DNAH5: variants seen among roughly 807,000 people sequenced by gnomAD.
The protein encoded by DNAH5 is axonemal beta dynein heavy chain 5.
DNAH5 carries 372 observed loss-of-function variants against 518.2 expected under a neutral mutation model. The ratio of observed to expected loss-of-function variants is 0.72; its 90% CI spans 0.66 to 0.78. The LOEUF (loss-of-function observed/expected upper bound fraction) is 0.78, where lower values mean the gene tolerates loss of function less well. Among genes scored for constraint, DNAH5 ranks in the 30% least tolerant of loss-of-function variants. The pLI is 0.00. For synonymous variants in DNAH5, 2,039 were observed against 2,025.9 expected (o/e 1.01, Z -0.17); for missense variants, 5,523 against 5,687.0 (o/e 0.97, Z 0.93).
intron 17 of DNAH5, among the ~76,000 whole-genome samples, chr5:13,888,128 C>T (rs1291301455): frequency 6.6e-6 from 1 of 152,206 alleles, no homozygotes; most frequent in East Asian, 1.9e-4. Flanking sequence ...CGGCCTCCAT[C>T]ATGAGCCCCT....
At chr5:13,810,753 C>CA (rs200262233) in intron 44 of DNAH5, among the ~76,000 whole-genome samples, 51 of 114,736 alleles carry the variant, frequency 4.4e-4, no homozygotes, top group South Asian at 8.1e-4. Flanking sequence ...GACTCCATGT[C>CA]AAAAAACAAA....
rs747110686 is a variant in DNAH5, at chr5:13,885,130, T to C, written c.2842A>G (p.Thr948Ala). ...CGGGCTTCTTCCCCTAACATCTCAG[T>C]TTCTTTCTTTTTCCTCGTGACTGTC... is the stretch of plus-strand genomic sequence containing the variant. ...LTTVTRKKKE[T>A]EMLGEEAREL... is the part of the protein sequence containing the mutation. The change falls in exon 19 of 79, where the codon ACT becomes GCT. Residue 948 changes from threonine (T) to alanine (A), a missense_variant. Thr to Ala is a moderately conservative substitution (Grantham distance 58). Transcript: ENST00000265104. 2 of 1,614,238 alleles carry C rather than the reference T, an allele frequency of 1.2e-6. No individual in the cohort carries two copies. The highest frequency in any genetic ancestry group is 3.3e-5 in the Admixed American group (2 of 60,032).
chr5:13,730,930 C>A (rs370680431), intron 68 of DNAH5, among the ~76,000 whole-genome samples: 126 of 152,070 alleles, frequency 8.3e-4, no homozygotes, highest in African/African-American at 3.0e-3. Flanking sequence ...GAACTCCCGA[C>A]CCCAGGTGAT....
chr5:13,736,504 C>T (rs1376011305), intron 66 of DNAH5, among the ~76,000 whole-genome samples: 1 of 152,122 alleles, frequency 6.6e-6, no homozygotes, highest in East Asian at 1.9e-4. Flanking sequence ...AAGAGAGTCT[C>T]CTGCCTCAGC....
At chr5:13,801,842 C>T (rs902119897) in intron 47 of DNAH5, among the ~76,000 whole-genome samples, 4 of 152,058 alleles carry the variant, frequency 2.6e-5, no homozygotes, top group Non-Finnish European at 5.9e-5. Flanking sequence ...AGTTCATTTA[C>T]ATACAGTTAA....
intron 65 of DNAH5, among the ~76,000 whole-genome samples, chr5:13,737,905 A>G (rs934417934): frequency 1.3e-5 from 2 of 152,040 alleles, no homozygotes; most frequent in South Asian, 2.1e-4. Flanking sequence ...CTACTAAAAT[A>G]CAAAAAAATT....
intron 47 of DNAH5, among the ~76,000 whole-genome samples, chr5:13,802,927 G>A (rs769199891): frequency 1.1e-4 from 16 of 152,022 alleles, no homozygotes; most frequent in Non-Finnish European, 1.8e-4. Flanking sequence ...TCATATGTAC[G>A]TACATAAATA....
At chr5:13,801,134 T>C (rs1758680477) in intron 47 of DNAH5, among the ~76,000 whole-genome samples, 1 of 152,172 alleles carries the variant, frequency 6.6e-6, no homozygotes, top group Admixed American at 6.5e-5. Context: ...GGAATTGTCA[T>C]CCCCAATGTT....
chr5:13,797,347 A>G (rs1201229202), intron 47 of DNAH5, among the ~76,000 whole-genome samples: 1 of 152,202 alleles, frequency 6.6e-6, no homozygotes, highest in African/African-American at 2.4e-5. Flanking sequence ...ACTCAAACAA[A>G]TTTACAAGAA....
In DNAH5 at chr5:13,737,140, T is replaced by A. The variant is rs536116395; in HGVS notation, c.11455+112A>T. On this transcript the variant is annotated intron_variant, in intron 66 of 78. Transcript: ENST00000265104. ...CCCAACAGAAATTCCACAAAACACC[T>A]CCACTTTGCATAATCATTTGTATAA... 1,175 of 1,528,614 alleles carry A rather than the reference T, an allele frequency of 7.7e-4. 1 individual carries two copies. The highest frequency in any genetic ancestry group is 8.7e-4 in the Non-Finnish European group (968 of 1,110,328). The allele number at this position is 1,528,614 out of a possible 1,614,324, so 94.7% of individuals were successfully genotyped here.
intron 47 of DNAH5, among the ~76,000 whole-genome samples, chr5:13,801,618 C>A (rs1054970633): frequency 3.3e-5 from 5 of 152,198 alleles, no homozygotes; most frequent in Non-Finnish European, 7.3e-5. Context: ...TGTCTCCTCT[C>A]AGGTCTCTCT....
At chr5:13,837,306 G>A (rs998224346) in intron 35 of DNAH5, among the ~76,000 whole-genome samples, 8 of 152,204 alleles carry the variant, frequency 5.3e-5, no homozygotes, top group Non-Finnish European at 1.2e-4. Context: ...GAGGGGTTTT[G>A]AAGGGAGCAT....
At chr5:13,960,002 A>G (rs1380399952) in intron 1 of DNAH5, among the ~76,000 whole-genome samples, 2 of 152,072 alleles carry the variant, frequency 1.3e-5, no homozygotes, top group African/African-American at 4.8e-5. Context: ...GAGTCCAGGA[A>G]AAACACCCCC....
chr5:13,886,097 A>C lies in DNAH5; in HGVS notation c.2610T>G (p.His870Gln). 1 of 1,598,606 alleles carries C rather than the reference A, an allele frequency of 6.3e-7. No individual in the cohort carries two copies. The highest frequency in any genetic ancestry group is 1.3e-5 in the African/African-American group (1 of 74,268). Reference sequence around the variant, plus strand: ...CCTCCTCCACTAATGAGCTTTTAAAATGTAGTATTTGTGCACCATTTACAC... The same window carrying C: ...CCTCCTCCACTAATGAGCTTTTAAACTGTAGTATTTGTGCACCATTTACAC... Reference protein sequence around the residue: ...DLCVNGAQILHFKSSLVEEAV... With the variant: ...DLCVNGAQILQFKSSLVEEAV... Residue 870 changes from histidine (H) to glutamine (Q), a missense_variant, in exon 18 of 79, where the codon CAT becomes CAG. By Grantham distance (24) the His-to-Gln change is conservative. Coordinates refer to ENST00000265104, the MANE Select transcript of DNAH5 (RefSeq NM_001369.3).
At chr5:13,814,935 A>G (rs1761255151) in intron 42 of DNAH5, 89 bp from the exon 43 acceptor site, 1 of 1,188,604 alleles carries the variant, frequency 8.4e-7, no homozygotes, top group African/African-American at 1.5e-5. Context: ...AAGAACTATT[A>G]TATTAGATGT....
At chr5:13,744,129 C>T (rs746935819) in intron 65 of DNAH5, among the ~76,000 whole-genome samples, 3 of 152,132 alleles carry the variant, frequency 2.0e-5, no homozygotes, top group Non-Finnish European at 4.4e-5. Context: ...GGTATACATA[C>T]ACAATGGAAT....
intron 47 of DNAH5, among the ~76,000 whole-genome samples, chr5:13,800,264 C>G (rs1288187159): frequency 6.6e-6 from 1 of 152,180 alleles, no homozygotes; most frequent in Non-Finnish European, 1.5e-5. Flanking sequence ...GTATTGCATG[C>G]TCTACTCCTT....
intron 25 of DNAH5, among the ~76,000 whole-genome samples, chr5:13,866,828 C>T (rs376301574): frequency 2.0e-5 from 3 of 152,258 alleles, no homozygotes; most frequent in South Asian, 2.1e-4. Context: ...AAATTTTACC[C>T]TAAACTCTAT....
rs757229609 is a variant in DNAH5 at position 13,883,092 on chromosome 5, T to C, written c.2986A>G (p.Ser996Gly). Reference sequence around the variant, plus strand: ...TGCTTCATGTTAGAGGCACTGTTACTGTCTGAGTTAACCCAAAACAAGGAA... The same window carrying C: ...TGCTTCATGTTAGAGGCACTGTTACCGTCTGAGTTAACCCAAAACAAGGAA... ...HSSHTINFRD[S>G]NSASNMKQNS... is the part of the protein sequence containing the mutation. The change falls in exon 20 of 79, where the codon AGT (serine) becomes GGT (glycine). Residue 996 changes from serine to glycine, a missense_variant and splice_region_variant. Coordinates refer to ENST00000265104, the MANE Select transcript of DNAH5 (RefSeq NM_001369.3). 1.2e-6 allele frequency: 2 copies of C among 1,613,822 alleles called. No homozygotes were observed. The highest frequency in any genetic ancestry group is 1.7e-6 in the Non-Finnish European group (2 of 1,180,024).
Sources: gnomAD v4.1 joint callset for allele counts (sites outside exome capture counted in the v4.1 genomes callset) on GRCh38, gnomAD v4.1.1 for gene constraint, MANE v1.5 for transcripts, NCBI Gene and HGNC (gene_info 2026-07-23, HGNC 2026-07-21) for gene names.